The following ANKRD13C variants were observed in gnomAD, a reference collection of about 807,000 sequenced individuals.
The protein encoded by ANKRD13C is ankyrin repeat domain 13C, also known as ankyrin repeat domain-containing protein 13C.
Under a neutral mutation model 65.5 loss-of-function variants are expected in ANKRD13C, and 16 were observed. The ratio of observed to expected loss-of-function variants is 0.24; its 90% CI spans 0.17 to 0.37. The LOEUF (loss-of-function observed/expected upper bound fraction) is 0.37, where lower values mean the gene tolerates loss of function less well. Ranked by LOEUF, ANKRD13C falls within the 10% of genes least tolerant of loss-of-function variation. The pLI is 1.00. For synonymous variants in ANKRD13C, 235 were observed against 238.7 expected (o/e 0.98, Z 0.14); for missense variants, 503 against 655.9 (o/e 0.77, Z 2.55).
At chr1:70,270,122 A>G (rs2101115586) in intron 12 of ANKRD13C, among the ~76,000 whole-genome samples, 1 of 152,326 alleles carries the variant, frequency 6.6e-6, no homozygotes, top group African/African-American at 2.4e-5. Context: ...GAAAAATAAA[A>G]CGTATGAGTA....
rs755071399 is a variant in ANKRD13C, at chr1:70,262,789, A to G, written c.1554T>C (p.Asp518=). 1.2e-6 allele frequency: 2 copies of G among 1,613,700 alleles called. No homozygotes were observed. Among genetic ancestry groups the G allele is most frequent in the Admixed American group, 3.3e-5 (2 of 60,000 alleles). The part of the protein sequence containing the change: ...ATVTFQEFRY[D]EFDGSIFTIP... ...TAGTAAAGATGGAGCCATCAAATTCATCGTATCGAAACTCCTGAAAAGTCA... is the reference window on the plus strand; with the variant it reads ...TAGTAAAGATGGAGCCATCAAATTCGTCGTATCGAAACTCCTGAAAAGTCA... Residue 518 remains aspartate, a synonymous_variant, in exon 13 of 13, where the codon GAT becomes GAC. Transcript: ENST00000370944.
At chr1:70,339,050 G>A (rs1682185709) in intron 1 of ANKRD13C, among the ~76,000 whole-genome samples, 1 of 151,964 alleles carries the variant, frequency 6.6e-6, no homozygotes, top group South Asian at 2.1e-4. Flanking sequence ...GCAAAACCCC[G>A]TCTCTACTAA....
intron 1 of ANKRD13C, among the ~76,000 whole-genome samples, chr1:70,342,122 A>C (rs1682336361): frequency 6.6e-6 from 1 of 151,950 alleles, no homozygotes; most frequent in South Asian, 2.1e-4. Flanking sequence ...GAGGAGGCAG[A>C]AAATGATAAC....
chr1:70,351,632 T>C (rs985149468), intron 1 of ANKRD13C, among the ~76,000 whole-genome samples: 25 of 152,146 alleles, frequency 1.6e-4, no homozygotes, highest in African/African-American at 6.0e-4. Context: ...ACTCCTGACC[T>C]CAGGTAATCC....
At chr1:70,319,306 A>G (rs545543717) in intron 3 of ANKRD13C, among the ~76,000 whole-genome samples, 1 of 152,140 alleles carries the variant, frequency 6.6e-6, no homozygotes, top group African/African-American at 2.4e-5. Context: ...TTTGCCATGT[A>G]TCATTAAGAA....
At chr1:70,278,601 T>C (rs1035946055) in intron 9 of ANKRD13C, among the ~76,000 whole-genome samples, 13 of 152,120 alleles carry the variant, frequency 8.5e-5, no homozygotes, top group African/African-American at 2.9e-4. Context: ...AACAGGACTA[T>C]GGAGCAAAAA....
At position 70,290,995 on chromosome 1, in the gene ANKRD13C, C is replaced by T. The variant is rs940929477; in HGVS notation, c.1215+1393G>A. Among the ~76,000 whole-genome samples, 14 of 152,116 alleles carry T rather than the reference C, an allele frequency of 9.2e-5. No individual in the cohort carries two copies. The South Asian group carries it at 2.9e-3, about 32-fold the overall frequency. ...GATCCCTATATTGCAGTTTGAAAAA[C>T]AGTGCTATACAAATGGCAGTAAAAC... On this transcript the variant is annotated intron_variant, in intron 9 of 12. Coordinates refer to ENST00000370944, the MANE Select transcript of ANKRD13C (RefSeq NM_030816.5).
intron 9 of ANKRD13C, among the ~76,000 whole-genome samples, chr1:70,280,058 T>C (rs1162070914): frequency 6.6e-6 from 1 of 152,132 alleles, no homozygotes; most frequent in African/African-American, 2.4e-5. Context: ...TTAGAAGTCA[T>C]TGATGATCTC....
chr1:70,317,466 T>TA (rs1049374967), intron 3 of ANKRD13C, among the ~76,000 whole-genome samples: 3 of 152,252 alleles, frequency 2.0e-5, no homozygotes, highest in East Asian at 3.9e-4. Flanking sequence ...ATCTTTTTTT[T>TA]AAAAATAAAA....
rs557582236 is a variant in ANKRD13C, at chr1:70,305,308, C to G, written c.776+916G>C. Among the ~76,000 whole-genome samples the G allele has an allele frequency of 1.2e-4, 18 of 152,162 alleles. No individual in the cohort carries two copies. In the South Asian group the frequency reaches 3.5e-3, roughly 30 times the overall value. On this transcript the variant is annotated intron_variant, in intron 6 of 12. Transcript: ENST00000370944. ...GTGTCATGGTGAGAAGAACAACAAA[C>G]AAGAAGTCAGAAGTCCTGGTTCAGC...
chr1:70,338,455 G>A (rs976496633), intron 1 of ANKRD13C, among the ~76,000 whole-genome samples: 238 of 152,286 alleles, frequency 1.6e-3, no homozygotes, highest in African/African-American at 5.2e-3. Context: ...AGGCTGGAGT[G>A]CAGAGGCCGA....
chr1:70,351,377 T>C lies in ANKRD13C; in HGVS notation c.430+2602A>G, dbSNP rs373770089. Among the ~76,000 whole-genome samples the C allele has an allele frequency of 1.1e-4, 17 of 152,282 alleles. No homozygotes were observed. In the South Asian group the frequency reaches 3.5e-3, roughly 32 times the overall value. On this transcript the variant is annotated intron_variant, in intron 1 of 12. Transcript: ENST00000370944. ...TTATGTTAAAGCAATCCAAAGAGAA[T>C]ATACATCATTTATTTATTTATTTTA... is the stretch of plus-strand genomic sequence containing the variant.
At chr1:70,304,979 C>G (rs546764032) in intron 6 of ANKRD13C, among the ~76,000 whole-genome samples, 1 of 152,122 alleles carries the variant, frequency 6.6e-6, no homozygotes, top group East Asian at 1.9e-4. Context: ...AAAAAACACG[C>G]TGGGTGTGAT....
chr1:70,267,282 C>T (rs1056751983), intron 12 of ANKRD13C, among the ~76,000 whole-genome samples: 5 of 152,164 alleles, frequency 3.3e-5, no homozygotes, highest in African/African-American at 1.2e-4. Flanking sequence ...TATCTTTTTC[C>T]ACTCTTTCAC....
intron 8 of ANKRD13C, chr1:70,293,523 A>G (rs1403609804): frequency 2.0e-6 from 2 of 982,430 alleles, no homozygotes; most frequent in African/African-American, 3.5e-5. Context: ...ATTTAAGAAG[A>G]TCACCTAGAT....
chr1:70,322,828 A>C (rs1681367751), intron 3 of ANKRD13C, among the ~76,000 whole-genome samples: 1 of 151,916 alleles, frequency 6.6e-6, no homozygotes, highest in African/African-American at 2.4e-5. Flanking sequence ...CCCCAACTAT[A>C]CTAAAACTAC....
chr1:70,341,508 T>C (rs1682310067), intron 1 of ANKRD13C, among the ~76,000 whole-genome samples: 1 of 151,894 alleles, frequency 6.6e-6, no homozygotes, highest in Non-Finnish European at 1.5e-5. Flanking sequence ...ATTACAGGCA[T>C]GTGCCACCAC....
chr1:70,321,546 C>T (rs972360072), intron 3 of ANKRD13C, among the ~76,000 whole-genome samples: 1 of 152,112 alleles, frequency 6.6e-6, no homozygotes, highest in Non-Finnish European at 1.5e-5. Flanking sequence ...TAAGTCTGCA[C>T]AAACTGTGAA....
intron 6 of ANKRD13C, among the ~76,000 whole-genome samples, chr1:70,302,828 A>G (rs981152150): frequency 3.3e-5 from 5 of 151,886 alleles, no homozygotes; most frequent in African/African-American, 1.2e-4. Context: ...AAAAAGGAAC[A>G]GATCATTTTA....
Sources: allele counts gnomAD v4.1 joint callset (sites outside exome capture counted in the v4.1 genomes callset), GRCh38; gene constraint gnomAD v4.1.1; transcripts MANE v1.5; gene names NCBI Gene and HGNC (gene_info 2026-07-23, HGNC 2026-07-21).